TAF1B: variants seen among roughly 807,000 people sequenced by gnomAD.
TAF1B encodes the protein TATA-box binding protein associated factor, RNA polymerase I subunit B, also known as TATA box-binding protein-associated factor RNA polymerase I subunit B.
In TAF1B, 61 loss-of-function variants were observed where a neutral mutation model predicts 83.9. The observed-to-expected ratio is 0.73, with a 90% confidence interval of 0.59 to 0.90. The LOEUF (loss-of-function observed/expected upper bound fraction) is 0.90. TAF1B is among the 40% of genes least tolerant of loss of function. TAF1B has a pLI of 0.00. For synonymous variants in TAF1B, 221 were observed against 224.6 expected (o/e 0.98, Z 0.14); for missense variants, 625 against 677.0 (o/e 0.92, Z 0.85).
intron 7 of TAF1B, among the ~76,000 whole-genome samples, chr2:9,876,355 T>A (rs1196758394): frequency 6.6e-6 from 1 of 152,214 alleles, no homozygotes; most frequent in Non-Finnish European, 1.5e-5. Flanking sequence ...GATAAACAGG[T>A]GATCTTTACA....
intron 7 of TAF1B, among the ~76,000 whole-genome samples, chr2:9,879,081 A>G (rs1664412018): frequency 1.3e-5 from 2 of 152,230 alleles, no homozygotes; most frequent in Admixed American, 6.5e-5. Context: ...AAGACATTGG[A>G]TGCCTGAGAA....
intron 8 of TAF1B, among the ~76,000 whole-genome samples, chr2:9,902,485 C>T (rs1279740214): frequency 6.6e-6 from 1 of 152,138 alleles, no homozygotes; most frequent in Non-Finnish European, 1.5e-5. Flanking sequence ...GAGTTTTATA[C>T]TTTATATAAC....
chr2:9,929,645 CT>C (rs1037380962), intron 14 of TAF1B, among the ~76,000 whole-genome samples: 30 of 152,170 alleles, frequency 2.0e-4, no homozygotes, highest in African/African-American at 6.3e-4. Flanking sequence ...CTAAAATTCT[CT>C]TTTTTTGTTG....
chr2:9,918,608 C>T (rs57046626), intron 12 of TAF1B, among the ~76,000 whole-genome samples: 47,476 of 152,044 alleles, frequency 0.31, 7,817 homozygotes, highest in Admixed American at 0.38. Context: ...GCCAGAGAGA[C>T]GCATTTACTG....
chr2:9,915,963 A>G (rs1193532479), intron 12 of TAF1B, among the ~76,000 whole-genome samples: 1 of 152,254 alleles, frequency 6.6e-6, no homozygotes, highest in Non-Finnish European at 1.5e-5. Context: ...GCTATGTGAA[A>G]GACTCAAAAG....
chr2:9,907,022 C>A (rs1413842101), intron 9 of TAF1B, among the ~76,000 whole-genome samples: 3 of 152,054 alleles, frequency 2.0e-5, no homozygotes, highest in Admixed American at 2.0e-4. Context: ...AGACTGCAGG[C>A]ACGCACCACC....
intron 5 of TAF1B, among the ~76,000 whole-genome samples, chr2:9,868,073 A>T (rs760189788): frequency 2.6e-5 from 4 of 152,172 alleles, no homozygotes; most frequent in Admixed American, 2.0e-4. Flanking sequence ...TTCCTCGCCC[A>T]TCCTTGTCTG....
rs1665807527 is a variant in TAF1B, at chr2:9,919,649, C to T, written c.1394C>T (p.Ala465Val). ...KQFSTLVEST[A>V]TAGKKSPSSF... ...TTTAGCACACTGGTCGAGTCAACAG[C>T]AACTGCTGGAAAAAAAAGCCCTTCA... The change falls in exon 14 of 15, where the codon GCA (alanine) becomes GTA (valine). Residue 465 changes from alanine to valine, a missense_variant. Transcript: ENST00000263663. The T allele has an allele frequency of 6.2e-7, 1 of 1,613,964 alleles. No homozygotes were observed. The highest frequency in any genetic ancestry group is 1.3e-5 in the African/African-American group (1 of 74,902).
chr2:9,846,218 C>T, intron 2 of TAF1B: 1 of 431,758 alleles, frequency 2.3e-6, no homozygotes, highest in Non-Finnish European at 4.7e-6. Context: ...TTCATTTTAC[C>T]CATCACACCT....
chr2:9,921,406 G>C (rs983609521), intron 14 of TAF1B, among the ~76,000 whole-genome samples: 31 of 152,116 alleles, frequency 2.0e-4, no homozygotes, highest in African/African-American at 7.0e-4. Flanking sequence ...ATTTTCATAT[G>C]ACTCAGAAAA....
chr2:9,875,493 T>C (rs1664296295), intron 6 of TAF1B, among the ~76,000 whole-genome samples: 1 of 152,212 alleles, frequency 6.6e-6, no homozygotes. Context: ...GGACTCACAG[T>C]TCCACATGGC....
chr2:9,892,135 G>C, intron 8 of TAF1B, among the ~76,000 whole-genome samples: 1 of 152,226 alleles, frequency 6.6e-6, no homozygotes, highest in South Asian at 2.1e-4. Context: ...TATTTTTACT[G>C]TACCTTTTCT....
chr2:9,855,482 C>T (rs920928056), intron 5 of TAF1B, among the ~76,000 whole-genome samples: 47 of 152,026 alleles, frequency 3.1e-4, no homozygotes, highest in African/African-American at 5.8e-4. Flanking sequence ...AGTTCAAGAC[C>T]GGCCTGGGTA....
intron 14 of TAF1B, among the ~76,000 whole-genome samples, chr2:9,931,921 T>TG (rs1427379297): frequency 1.3e-5 from 2 of 152,224 alleles, no homozygotes; most frequent in Non-Finnish European, 2.9e-5. Flanking sequence ...AATTTGATCT[T>TG]CAATCACTGA....
intron 8 of TAF1B, among the ~76,000 whole-genome samples, chr2:9,890,304 C>T (rs1194813686): frequency 6.6e-6 from 1 of 152,160 alleles, no homozygotes; most frequent in Non-Finnish European, 1.5e-5. Context: ...CTGTTGGATA[C>T]GGTGGAAGCT....
At chr2:9,926,297 C>T (rs1666031547) in intron 14 of TAF1B, among the ~76,000 whole-genome samples, 1 of 152,158 alleles carries the variant, frequency 6.6e-6, no homozygotes, top group African/African-American at 2.4e-5. Flanking sequence ...ATGAGTTTAA[C>T]TCAGAATCCA....
intron 12 of TAF1B, among the ~76,000 whole-genome samples, chr2:9,916,832 C>CTGT (rs1665692787): frequency 1.7e-5 from 1 of 57,238 alleles, no homozygotes; most frequent in African/African-American, 3.9e-5. Flanking sequence ...AATTTCCTTT[C>CTGT]TGTTCTTTTT....
At chr2:9,917,811 G>T (rs934298101) in intron 12 of TAF1B, among the ~76,000 whole-genome samples, 7 of 151,836 alleles carry the variant, frequency 4.6e-5, no homozygotes, top group Admixed American at 4.6e-4. Flanking sequence ...GGTGGCTCAC[G>T]CCTGTAATCC....
At chr2:9,932,828 C>T (rs1263131268) in intron 14 of TAF1B, among the ~76,000 whole-genome samples, 1 of 151,974 alleles carries the variant, frequency 6.6e-6, no homozygotes, top group Non-Finnish European at 1.5e-5. Flanking sequence ...TGGGCTCTGC[C>T]CGGTTTGAGC....
Sources: gnomAD v4.1 joint callset for allele counts (sites outside exome capture counted in the v4.1 genomes callset) on GRCh38, gnomAD v4.1.1 for gene constraint, MANE v1.5 for transcripts, NCBI Gene and HGNC (gene_info 2026-07-23, HGNC 2026-07-21) for gene names.